The following AGTPBP1 variants were observed in gnomAD, a reference collection of about 807,000 sequenced individuals.
AGTPBP1 encodes ATP/GTP binding carboxypeptidase 1, also known as cytosolic carboxypeptidase 1.
A neutral mutation model predicts 143.9 loss-of-function variants in AGTPBP1; 70 were observed. The ratio of observed to expected loss-of-function variants is 0.49; its 90% CI spans 0.40 to 0.59. The LOEUF (loss-of-function observed/expected upper bound fraction) is 0.59. AGTPBP1 is among the 20% of genes least tolerant of loss of function. The pLI is 0.00. For synonymous variants in AGTPBP1, 463 were observed against 500.2 expected, an observed-to-expected ratio of 0.93 and a Z score of 0.99; for missense variants, 1,229 against 1,464.5, an observed-to-expected ratio of 0.84 and a Z score of 2.62.
intron 25 of AGTPBP1, among the ~76,000 whole-genome samples, chr9:85,562,354 CTA>C (rs988386196): frequency 1.3e-5 from 2 of 151,916 alleles, no homozygotes; most frequent in African/African-American, 4.8e-5. Flanking sequence ...TAAAGAATAA[CTA>C]TATTCTGCTT....
chr9:85,771,324 G>A, the AGTPBP1 span, among the ~76,000 whole-genome samples: 1 of 152,042 alleles, frequency 6.6e-6, no homozygotes, highest in African/African-American at 2.4e-5. Context: ...AAAAATACCA[G>A]AATTAGCCGG....
chr9:85,672,732 ATTTTTTTT>A, intron 6 of AGTPBP1, 51 bp from the exon 7 acceptor site: 2 of 919,574 alleles, frequency 2.2e-6, no homozygotes, highest in East Asian at 3.9e-5. Flanking sequence ...TTTCTTTTTA[ATTTTTTTT>A]TTTTTTTTTT....
chr9:85,684,970 C>T (rs1052452051), intron 3 of AGTPBP1, among the ~76,000 whole-genome samples: 1 of 150,130 alleles, frequency 6.7e-6, no homozygotes, highest in Non-Finnish European at 1.5e-5. Flanking sequence ...CAAGTGCACA[C>T]TTGAGAATAA....
upstream of AGTPBP1, among the ~76,000 whole-genome samples, chr9:85,746,795 T>C (rs1049920202): frequency 2.0e-5 from 3 of 152,048 alleles, no homozygotes; most frequent in African/African-American, 7.2e-5. Flanking sequence ...AAGAGATAAA[T>C]ATGTTAGCTT....
chr9:85,764,264 C>T, the AGTPBP1 span, among the ~76,000 whole-genome samples: 1 of 151,962 alleles, frequency 6.6e-6, no homozygotes, highest in Non-Finnish European at 1.5e-5. Flanking sequence ...GTGGGTGTCT[C>T]ACGTCTGTAA....
chr9:85,657,035 T>C (rs1264861943), intron 10 of AGTPBP1, among the ~76,000 whole-genome samples: 1 of 127,528 alleles, frequency 7.8e-6, no homozygotes, highest in Non-Finnish European at 1.6e-5. Flanking sequence ...TGTTGTGGGG[T>C]GGGGGGAGAG....
chr9:85,635,854 A>C (rs1832005221), intron 13 of AGTPBP1, among the ~76,000 whole-genome samples: 1 of 151,994 alleles, frequency 6.6e-6, no homozygotes, highest in Non-Finnish European at 1.5e-5. Flanking sequence ...ACGTAAAAAG[A>C]AAAGCCAACT....
At chr9:85,781,048 C>G in the AGTPBP1 span, among the ~76,000 whole-genome samples, 1 of 152,060 alleles carries the variant, frequency 6.6e-6, no homozygotes, top group Non-Finnish European at 1.5e-5. Flanking sequence ...ACCTGGGTGG[C>G]GGAGCTTACA....
chr9:85,783,652 T>C, the AGTPBP1 span, among the ~76,000 whole-genome samples: 1 of 152,188 alleles, frequency 6.6e-6, no homozygotes, highest in Non-Finnish European at 1.5e-5. Context: ...TTTTTGTTTT[T>C]GAATGGAGTT....
intron 1 of AGTPBP1, among the ~76,000 whole-genome samples, chr9:85,733,805 A>G (rs1478278900): frequency 6.6e-6 from 1 of 152,194 alleles, no homozygotes; most frequent in Non-Finnish European, 1.5e-5. Context: ...AAAAAGGATT[A>G]TAACAGAGTA....
At chr9:85,796,689 C>T in the AGTPBP1 span, among the ~76,000 whole-genome samples, 25,633 of 152,024 alleles carry the variant, frequency 0.17, 2,842 homozygotes, top group South Asian at 0.32. Context: ...GCTAGATACC[C>T]TGTTTTACAT....
intron 1 of AGTPBP1, among the ~76,000 whole-genome samples, chr9:85,713,292 G>GGGC (rs1346728805): frequency 1.3e-5 from 2 of 152,102 alleles, no homozygotes; most frequent in African/African-American, 4.8e-5. Flanking sequence ...GCACTTTGGG[G>GGGC]GGCCAAGGCA....
At chr9:85,800,841 G>A in the AGTPBP1 span, among the ~76,000 whole-genome samples, 1 of 147,522 alleles carries the variant, frequency 6.8e-6, no homozygotes, top group Non-Finnish European at 1.5e-5. Flanking sequence ...GTGTGTGTGT[G>A]TAACGTGTCT....
chr9:85,668,408 T>A (rs62569199), intron 8 of AGTPBP1, among the ~76,000 whole-genome samples: 2,536 of 151,100 alleles, frequency 0.017, 23 homozygotes, highest in Middle Eastern at 0.055. Flanking sequence ...GGCTACAGTG[T>A]GCCATGATCA....
At chr9:85,674,007 C>T (rs1376163845) in intron 6 of AGTPBP1, among the ~76,000 whole-genome samples, 2 of 150,956 alleles carry the variant, frequency 1.3e-5, no homozygotes, top group South Asian at 2.1e-4. Flanking sequence ...CCTGCAGTCC[C>T]AACTACTCTG....
the AGTPBP1 span, among the ~76,000 whole-genome samples, chr9:85,765,545 C>A: frequency 6.6e-6 from 1 of 151,832 alleles, no homozygotes. Context: ...GAAGATGATT[C>A]ATTTATGGGC....
At chr9:85,728,949 A>T (rs904686722) in intron 1 of AGTPBP1, among the ~76,000 whole-genome samples, 1 of 152,200 alleles carries the variant, frequency 6.6e-6, no homozygotes, top group African/African-American at 2.4e-5. Context: ...CATCACTTTT[A>T]ATGTTAATTG....
chr9:85,711,377 C>T (rs1373574333), intron 2 of AGTPBP1, among the ~76,000 whole-genome samples: 1 of 151,702 alleles, frequency 6.6e-6, no homozygotes, highest in African/African-American at 2.4e-5. Flanking sequence ...TATTTAAGAA[C>T]TTTAACAGAG....
At chr9:85,631,836 C>T (rs867000082) in intron 14 of AGTPBP1, among the ~76,000 whole-genome samples, 3 of 152,076 alleles carry the variant, frequency 2.0e-5, no homozygotes, top group African/African-American at 2.4e-5. Flanking sequence ...AAAACCAGTC[C>T]AAATGCACCA....
Sources: gnomAD v4.1 joint callset for allele counts (sites outside exome capture counted in the v4.1 genomes callset) on GRCh38, gnomAD v4.1.1 for gene constraint, MANE v1.5 for transcripts, NCBI Gene and HGNC (gene_info 2026-07-23, HGNC 2026-07-21) for gene names.